The following SYN3 variants were observed in gnomAD, a reference collection of about 807,000 sequenced individuals.
The protein encoded by SYN3 is synapsin III, also known as synapsin-3.
A neutral mutation model predicts 65.8 loss-of-function variants in SYN3; 35 were observed. The ratio of observed to expected loss-of-function variants is 0.53; its 90% CI spans 0.41 to 0.70. The LOEUF (loss-of-function observed/expected upper bound fraction) is 0.70, where lower values mean the gene tolerates loss of function less well. SYN3 is among the 30% of genes least tolerant of loss of function. SYN3 has a pLI of 0.00. For missense variants in SYN3, 680 were observed against 749.0 expected, an observed-to-expected ratio of 0.91 and a Z score of 1.08; for synonymous variants, 270 against 292.9, an observed-to-expected ratio of 0.92 and a Z score of 0.80.
At chr22:32,922,042 G>A (rs1462337265) in intron 4 of SYN3, among the ~76,000 whole-genome samples, 1 of 152,136 alleles carries the variant, frequency 6.6e-6, no homozygotes, top group Non-Finnish European at 1.5e-5. Context: ...ATCTATGATG[G>A]GCACTTAGCA....
intron 6 of SYN3, among the ~76,000 whole-genome samples, chr22:32,799,517 G>A (rs546935847): frequency 4.3e-4 from 65 of 152,320 alleles, no homozygotes; most frequent in African/African-American, 1.3e-3. Context: ...AAGGCCTTCC[G>A]TTGGAGAAAA....
chr22:32,564,052 G>A (rs1054075659), intron 7 of SYN3, among the ~76,000 whole-genome samples: 1 of 152,186 alleles, frequency 6.6e-6, no homozygotes, highest in Non-Finnish European at 1.5e-5. Flanking sequence ...GGCCAGCTGG[G>A]GGGCCACGCA....
chr22:32,593,380 G>C (rs2059154419), intron 7 of SYN3, among the ~76,000 whole-genome samples: 2 of 151,790 alleles, frequency 1.3e-5, no homozygotes, highest in Admixed American at 6.6e-5. Context: ...TTTAAGCACA[G>C]AGTTTAATTC....
intron 9 of SYN3, among the ~76,000 whole-genome samples, chr22:32,535,785 G>C (rs1277324270): frequency 1.3e-5 from 2 of 152,078 alleles, no homozygotes; most frequent in African/African-American, 2.4e-5. Flanking sequence ...GAGAATCGGG[G>C]GGGGGGCCCT....
chr22:32,566,347 A>G (rs1196367156), intron 7 of SYN3, among the ~76,000 whole-genome samples: 3 of 152,152 alleles, frequency 2.0e-5, no homozygotes, highest in Non-Finnish European at 4.4e-5. Flanking sequence ...CAAACTGGAC[A>G]GTGCAAGATG....
intron 7 of SYN3, among the ~76,000 whole-genome samples, chr22:32,568,570 G>A (rs1014128867): frequency 2.6e-5 from 4 of 152,116 alleles, no homozygotes; most frequent in Non-Finnish European, 5.9e-5. Context: ...GTCTGGTGAG[G>A]CCCTGATTTA....
At chr22:32,847,475 G>T (rs1452413168) in intron 6 of SYN3, among the ~76,000 whole-genome samples, 1 of 152,182 alleles carries the variant, frequency 6.6e-6, no homozygotes, top group Non-Finnish European at 1.5e-5. Flanking sequence ...CGGCAGGGAA[G>T]GTCTGAAGGG....
chr22:32,725,957 A>G (rs1032618501), intron 6 of SYN3, among the ~76,000 whole-genome samples: 24 of 152,206 alleles, frequency 1.6e-4, no homozygotes, highest in African/African-American at 5.8e-4. Context: ...TCCCCTGAGC[A>G]TGACATACAA....
intron 6 of SYN3, among the ~76,000 whole-genome samples, chr22:32,705,747 G>T (rs1194043560): frequency 6.6e-6 from 1 of 152,130 alleles, no homozygotes; most frequent in Non-Finnish European, 1.5e-5. Flanking sequence ...GTGTCTTGTA[G>T]TTCTCATTGT....
chr22:32,832,337 T>TA (rs2047597769), intron 6 of SYN3, among the ~76,000 whole-genome samples: 1 of 152,192 alleles, frequency 6.6e-6, no homozygotes, highest in Non-Finnish European at 1.5e-5. Context: ...ATGGGACTCT[T>TA]AGATTCTAGG....
intron 6 of SYN3, among the ~76,000 whole-genome samples, chr22:32,843,071 G>A (rs1203971342): frequency 2.0e-5 from 3 of 152,074 alleles, no homozygotes; most frequent in Middle Eastern, 3.2e-3. Context: ...GCTGTCCTGG[G>A]GGACCTCCCA....
chr22:32,991,347 TAA>T (rs1491199975), intron 2 of SYN3, among the ~76,000 whole-genome samples: 2 of 146,970 alleles, frequency 1.4e-5, no homozygotes, highest in African/African-American at 5.0e-5. Flanking sequence ...CAAATAATAA[TAA>T]TAATAATAAT....
intron 4 of SYN3, among the ~76,000 whole-genome samples, chr22:32,912,884 G>A (rs1266782597): frequency 6.6e-6 from 1 of 152,146 alleles, no homozygotes; most frequent in Non-Finnish European, 1.5e-5. Context: ...GTTTAGGGGA[G>A]AGAAATTATT....
At chr22:32,846,004 G>A (rs2146222841) in intron 6 of SYN3, among the ~76,000 whole-genome samples, 1 of 152,282 alleles carries the variant, frequency 6.6e-6, no homozygotes, top group African/African-American at 2.4e-5. Context: ...GGGTTGGCCA[G>A]CAATTCTACT....
chr22:32,598,997 G>A (rs2059242960), intron 6 of SYN3, among the ~76,000 whole-genome samples: 1 of 151,970 alleles, frequency 6.6e-6, no homozygotes, highest in African/African-American at 2.4e-5. Flanking sequence ...ATTACCTTAA[G>A]TATAAAGACG....
chr22:32,761,956 T>G (rs1483301416), intron 6 of SYN3, among the ~76,000 whole-genome samples: 1 of 152,138 alleles, frequency 6.6e-6, no homozygotes, highest in East Asian at 1.9e-4. Flanking sequence ...TGTGAATGAC[T>G]CAGATGCTGG....
intron 1 of SYN3, among the ~76,000 whole-genome samples, chr22:33,053,522 G>A (rs1038202120): frequency 6.6e-6 from 1 of 152,230 alleles, no homozygotes; most frequent in African/African-American, 2.4e-5. Flanking sequence ...GCTCCCGCTT[G>A]AAGTCAAACC....
intron 1 of SYN3, among the ~76,000 whole-genome samples, chr22:33,036,755 G>A (rs540291742): frequency 2.0e-4 from 28 of 142,018 alleles, no homozygotes; most frequent in African/African-American, 6.3e-4. Flanking sequence ...GCAATGCCGC[G>A]ATCTCGGCCC....
rs1257834377 is a variant in SYN3, at chr22:32,508,202, T to C, written c.*5490A>G. 1.3e-5 allele frequency among the ~76,000 whole-genome samples: 2 copies of C among 152,102 alleles called. No individual in the cohort carries two copies. The highest frequency in any genetic ancestry group is 2.9e-5 in the Non-Finnish European group (2 of 68,012). On this transcript the variant is annotated 3_prime_UTR_variant, in exon 14 of 14. Coordinates refer to ENST00000358763, the MANE Select transcript of SYN3 (RefSeq NM_003490.4). ...CCTGCCCCGCCTTAACTGATGACATTCCACCATTGTGATTTGTTCCTGCCC... is the reference window on the plus strand; with the variant it reads ...CCTGCCCCGCCTTAACTGATGACATCCCACCATTGTGATTTGTTCCTGCCC...
Sources: allele counts gnomAD v4.1 joint callset (sites outside exome capture counted in the v4.1 genomes callset), GRCh38; gene constraint gnomAD v4.1.1; transcripts MANE v1.5; gene names NCBI Gene and HGNC (gene_info 2026-07-23, HGNC 2026-07-21).